The following TSPAN15 variants were observed in gnomAD, a reference collection of about 807,000 sequenced individuals.
TSPAN15 encodes the protein tetraspanin-15.
TSPAN15 carries 20 observed loss-of-function variants against 34.5 expected under a neutral mutation model. The ratio of observed to expected loss-of-function variants is 0.58; its 90% CI spans 0.41 to 0.84. The LOEUF (loss-of-function observed/expected upper bound fraction) is 0.84. TSPAN15 is among the 40% of genes least tolerant of loss of function. The pLI, the probability that TSPAN15 is intolerant of heterozygous loss-of-function variation, is 0.00. For missense variants in TSPAN15, 313 were observed against 386.1 expected (o/e 0.81, Z 1.59); for synonymous variants, 155 against 153.9 (o/e 1.01, Z -0.05).
intron 1 of TSPAN15, among the ~76,000 whole-genome samples, chr10:69,467,150 CCTT>C (rs939273480): frequency 1.3e-5 from 2 of 152,196 alleles, no homozygotes; most frequent in Non-Finnish European, 2.9e-5. Context: ...AAGAGACCCT[CCTT>C]CTCCCTTCCC....
At chr10:69,539,557 G>GAAGAAGA in the TSPAN15 span, among the ~76,000 whole-genome samples, 2 of 90,220 alleles carry the variant, frequency 2.2e-5, no homozygotes, top group Admixed American at 1.1e-4. Context: ...GAAGGAGAAG[G>GAAGAAGA]AGAAGGAGAA....
the TSPAN15 span, among the ~76,000 whole-genome samples, chr10:69,547,946 G>T: frequency 6.6e-6 from 1 of 152,192 alleles, no homozygotes; most frequent in African/African-American, 2.4e-5. Context: ...CTTAAGAAAT[G>T]GTTGTCATTG....
chr10:69,540,580 T>A, the TSPAN15 span, among the ~76,000 whole-genome samples: 1 of 152,108 alleles, frequency 6.6e-6, no homozygotes, highest in African/African-American at 2.4e-5. Context: ...ATGTGGCAAC[T>A]GAAGTTTTCA....
intron 1 of TSPAN15, among the ~76,000 whole-genome samples, chr10:69,452,065 T>C (rs559382214): frequency 2.0e-5 from 3 of 152,276 alleles, no homozygotes; most frequent in Non-Finnish European, 2.9e-5. Flanking sequence ...GGAGCTTAAG[T>C]AGTTAGGATT....
chr10:69,546,912 G>A, the TSPAN15 span, among the ~76,000 whole-genome samples: 1 of 152,096 alleles, frequency 6.6e-6, no homozygotes, highest in African/African-American at 2.4e-5. Context: ...GGGAGGCTGA[G>A]GCAGGAGGAT....
downstream of TSPAN15, among the ~76,000 whole-genome samples, chr10:69,507,970 C>T (rs943752016): frequency 2.0e-5 from 3 of 152,052 alleles, no homozygotes; most frequent in South Asian, 4.1e-4. Flanking sequence ...CCACCTACCG[C>T]GCTCCCTGCA....
At chr10:69,524,871 C>T in the TSPAN15 span, among the ~76,000 whole-genome samples, 3 of 147,148 alleles carry the variant, frequency 2.0e-5, 1 homozygote, top group African/African-American at 7.4e-5. Flanking sequence ...ACCTCTGCCT[C>T]CCAGGTTCAA....
chr10:69,478,653 C>T (rs10998826), intron 1 of TSPAN15, among the ~76,000 whole-genome samples: 9,452 of 152,130 alleles, frequency 0.062, 1,016 homozygotes, highest in African/African-American at 0.22. Flanking sequence ...GCCCGTGGAT[C>T]GATCCTTTTT....
At chr10:69,494,555 A>C (rs1842037123) in intron 3 of TSPAN15, 1 of 840,232 alleles carries the variant, frequency 1.2e-6, no homozygotes, top group South Asian at 5.4e-5. Context: ...AGCCCCTCTG[A>C]GACTTGGTTT....
intron 1 of TSPAN15, among the ~76,000 whole-genome samples, chr10:69,477,437 A>G (rs1193395466): frequency 6.6e-6 from 1 of 152,128 alleles, no homozygotes; most frequent in African/African-American, 2.4e-5. Flanking sequence ...GATGGGCTCT[A>G]CCTTCAGAAA....
At chr10:69,481,172 A>G (rs1841726814) in intron 1 of TSPAN15, among the ~76,000 whole-genome samples, 2 of 152,126 alleles carry the variant, frequency 1.3e-5, no homozygotes, top group South Asian at 2.1e-4. Flanking sequence ...CATGGTCTTC[A>G]TTTTCCTGTA....
chr10:69,493,051 C>T (rs1005792209), intron 3 of TSPAN15, among the ~76,000 whole-genome samples: 1 of 152,186 alleles, frequency 6.6e-6, no homozygotes, highest in Non-Finnish European at 1.5e-5. Context: ...CCTGCCCCAC[C>T]CTGGGTGGCA....
At chr10:69,503,224 C>G (rs1453614325) in intron 5 of TSPAN15, among the ~76,000 whole-genome samples, 3 of 152,170 alleles carry the variant, frequency 2.0e-5, no homozygotes, top group Admixed American at 6.5e-5. Flanking sequence ...GTCGTCTTGC[C>G]TGCACATCAA....
the TSPAN15 span, among the ~76,000 whole-genome samples, chr10:69,516,538 T>C: frequency 1.3e-5 from 2 of 152,144 alleles, no homozygotes; most frequent in East Asian, 3.9e-4. Context: ...GAATGAGAAG[T>C]GGGAGTACTA....
In TSPAN15 at chr10:69,457,075, C is replaced by T. The variant is rs778584884; in HGVS notation, c.96+5385C>T. On this transcript the variant is annotated intron_variant, in intron 1 of 7. Transcript: ENST00000373290. Reference sequence around the variant, plus strand: ...CCACACAGGGTGAATCATTCTGACACATGCGCCCTCAGCCCATTGGGGACA... The same window carrying T: ...CCACACAGGGTGAATCATTCTGACATATGCGCCCTCAGCCCATTGGGGACA... 5.3e-5 allele frequency among the ~76,000 whole-genome samples: 8 copies of T among 152,358 alleles called. No homozygotes were observed. In the South Asian group the frequency reaches 1.2e-3, roughly 24 times the overall value.
At chr10:69,476,566 CAAA>C (rs34169685) in intron 1 of TSPAN15, among the ~76,000 whole-genome samples, 1 of 97,300 alleles carries the variant, frequency 1.0e-5, no homozygotes, top group Non-Finnish European at 2.2e-5. Context: ...CAAAGGGTCT[CAAA>C]AAAAAAAAAA....
chr10:69,490,179 T>C (rs1010614598), intron 3 of TSPAN15, among the ~76,000 whole-genome samples: 2 of 152,174 alleles, frequency 1.3e-5, no homozygotes, highest in Non-Finnish European at 2.9e-5. Context: ...TGGCACAAGC[T>C]GGCTCTGGGC....
downstream of TSPAN15, chr10:69,507,736 A>G: frequency 1.0e-6 from 1 of 999,018 alleles, no homozygotes; most frequent in Non-Finnish European, 1.3e-6. Flanking sequence ...GGATTTGGAA[A>G]CCCCTTGTGG....
At chr10:69,545,998 AAC>A in the TSPAN15 span, among the ~76,000 whole-genome samples, 17 of 150,136 alleles carry the variant, frequency 1.1e-4, no homozygotes, top group African/African-American at 4.1e-4. Context: ...CAAACAAACA[AAC>A]AAAAAAACCA....
Sources: allele counts gnomAD v4.1 joint callset (sites outside exome capture counted in the v4.1 genomes callset), GRCh38; gene constraint gnomAD v4.1.1; transcripts MANE v1.5; gene names NCBI Gene and HGNC (gene_info 2026-07-23, HGNC 2026-07-21).